SPPL2B: variants seen among roughly 807,000 people sequenced by gnomAD.
SPPL2B encodes the protein signal peptide peptidase-like 2B.
SPPL2B carries 39 observed loss-of-function variants against 59.7 expected under a neutral mutation model. The ratio of observed to expected loss-of-function variants is 0.65; its 90% CI spans 0.51 to 0.85. The LOEUF (loss-of-function observed/expected upper bound fraction) is 0.85. SPPL2B is among the 40% of genes least tolerant of loss of function. The pLI is 0.00. For missense variants in SPPL2B, 865 were observed against 849.0 expected (o/e 1.02, Z -0.23); for synonymous variants, 419 against 370.8 (o/e 1.13, Z -1.49).
At position 2,354,961 on chromosome 19, in the gene SPPL2B, C is replaced by T. The variant is rs1970100766; in HGVS notation, c.*1752C>T. 6.6e-6 allele frequency among the ~76,000 whole-genome samples: 1 copy of T among 152,226 alleles called. No homozygotes were observed. Among genetic ancestry groups the T allele is most frequent in the Non-Finnish European group, 1.5e-5 (1 of 68,030 alleles). On this transcript the variant is annotated 3_prime_UTR_variant, in exon 15 of 15. Coordinates refer to ENST00000613503, the MANE Select transcript of SPPL2B (RefSeq NM_152988.3). ...CCGGCCAGTGCTGTGAGGTGCCCAG[C>T]GTCACTCCCATGGGCTCTGTGGGCC... is the stretch of plus-strand genomic sequence containing the variant.
In SPPL2B at chr19:2,350,921, G is replaced by T. The variant is rs375599540; in HGVS notation, c.1355-513G>T. On this transcript the variant is annotated intron_variant, in intron 13 of 14. Coordinates refer to ENST00000613503, the MANE Select transcript of SPPL2B (RefSeq NM_152988.3). ...TCACAGGCTGCGTTCTCAGGGGACT[G>T]GGGGCACGGCCCCGGTGGGTGGACA... is the stretch of plus-strand genomic sequence containing the variant. Among the ~76,000 whole-genome samples, 274 of 152,370 alleles carry T rather than the reference G, an allele frequency of 1.8e-3. 2 individuals carry two copies. The highest frequency in any genetic ancestry group is 6.3e-3 in the African/African-American group (263 of 41,588).
rs1970084572 is a variant in SPPL2B at position 2,354,486 on chromosome 19, ATCTGTT to A, written c.*1283_*1288del. 1 of 152,212 alleles carries A rather than the reference ATCTGTT, an allele frequency of 6.6e-6. No homozygotes were observed. Among genetic ancestry groups the A allele is most frequent in the African/African-American group, 2.4e-5 (1 of 41,432 alleles). 9.4% of individuals were successfully genotyped at this position (152,212 alleles called of 1,614,324 possible). A position where few individuals can be genotyped will look rare whatever the true frequency, so the allele number is the denominator to read the frequency against. Reference sequence around the variant, plus strand: ...TGCGGCCTCCAGACTCGAGTCCAGAATCTGTTTCTGTCAAGTCAGTCGTCCCCAGCT... The same window carrying A: ...TGCGGCCTCCAGACTCGAGTCCAGAATCTGTCAAGTCAGTCGTCCCCAGCT... On this transcript the variant is annotated 3_prime_UTR_variant, in exon 15 of 15. Transcript: ENST00000613503.
intron 1 of SPPL2B, among the ~76,000 whole-genome samples, chr19:2,329,402 A>G (rs754613501): frequency 2.6e-4 from 39 of 152,238 alleles, no homozygotes; most frequent in Non-Finnish European, 4.7e-4. Context: ...CAGGGTGACC[A>G]GCGCCCAGGG....
At chr19:2,330,132 G>A (rs556810261) in intron 1 of SPPL2B, among the ~76,000 whole-genome samples, 5 of 149,438 alleles carry the variant, frequency 3.3e-5, no homozygotes, top group East Asian at 1.9e-4. Context: ...TTTTTGAGAC[G>A]GAGTCTCGCT....
intron 5 of SPPL2B, 59 bp downstream of exon 5, chr19:2,339,267 G>A: frequency 1.3e-6 from 2 of 1,554,416 alleles, no homozygotes; most frequent in Non-Finnish European, 1.7e-6. Flanking sequence ...CACGGGCCGG[G>A]ACGGCCAGTC....
rs374479872 is a variant in SPPL2B, at chr19:2,334,649, C to T, written c.114C>T (p.Gly38=). The change falls in exon 2 of 15, where the codon GGC becomes GGT. Residue 38 remains glycine (G), a synonymous_variant. Transcript: ENST00000613503. ...TGCACGTGGTCTCCCAGGCCGGGGGCCCCGAAGGCAAAGACTACTGCATCC... is the reference window on the plus strand; with the variant it reads ...TGCACGTGGTCTCCCAGGCCGGGGGTCCCGAAGGCAAAGACTACTGCATCC... ...GMVHVVSQAG[G]PEGKDYCILY... The T allele has an allele frequency of 1.9e-6, 3 of 1,612,856 alleles. No individual in the cohort carries two copies. The highest frequency in any genetic ancestry group is 2.7e-5 in the African/African-American group (2 of 74,912).
In SPPL2B at chr19:2,337,489, C is replaced by T. The variant is rs781632995; in HGVS notation, c.233C>T (p.Ala78Val). 1 of 1,613,082 alleles carries T rather than the reference C, an allele frequency of 6.2e-7. No homozygotes were observed. The highest frequency in any genetic ancestry group is 8.5e-7 in the Non-Finnish European group (1 of 1,179,548). ...TGGACGGCCTCCCTGCTCTGCTCCG[C>T]AGCCGACCTCCCCGCCCGTGGCTTC... ...RNWTASLLCS[A>V]ADLPARGFSN... Residue 78 changes from alanine (A) to valine (V), a missense_variant, in exon 3 of 15, where the codon GCA becomes GTA. Coordinates refer to ENST00000613503, the MANE Select transcript of SPPL2B (RefSeq NM_152988.3).
At chr19:2,338,421 G>C (rs1424058675) in intron 3 of SPPL2B, 1 of 210,078 alleles carries the variant, frequency 4.8e-6, no homozygotes, top group South Asian at 1.1e-4. Context: ...GGCTCAAGGC[G>C]GCTTAGTGGG....
rs1181599834 is a variant in SPPL2B at position 2,347,366 on chromosome 19, ACTCT to A, written c.1354+2038_1354+2041del. ...TTCCGTTCTCTCTCCACACACACAC[ACTCT>A]CATTCGCCTGATTCCGTTCTCTCTC... On this transcript the variant is annotated intron_variant, in intron 13 of 14. Coordinates refer to ENST00000613503, the MANE Select transcript of SPPL2B (RefSeq NM_152988.3). Among the ~76,000 whole-genome samples the A allele has an allele frequency of 3.7e-4, 6 of 16,004 alleles. 1 individual carries two copies. Among genetic ancestry groups the A allele is most frequent in the African/African-American group, 1.2e-3 (5 of 4,300 alleles). The allele number at this position is 16,004 out of a possible 152,430, so 10.5% of individuals were successfully genotyped here.
intron 14 of SPPL2B, among the ~76,000 whole-genome samples, chr19:2,352,674 G>T (rs1319897002): frequency 6.6e-6 from 1 of 152,022 alleles, no homozygotes; most frequent in Non-Finnish European, 1.5e-5. Flanking sequence ...GGCGAGAGAC[G>T]GTAGTCCAGG....
rs145227878 is a variant in SPPL2B, at chr19:2,343,245, G to A, written c.991G>A (p.Ala331Thr). The change falls in exon 9 of 15, where the codon GCC (alanine) becomes ACC (threonine). Residue 331 changes from alanine to threonine, a missense_variant. Transcript: ENST00000613503. ...GGTCCTCCAGGATGCCCTGGGCATCGCCTTCTGCCTCTACATGCTGAAGAC... is the reference window on the plus strand; with the variant it reads ...GGTCCTCCAGGATGCCCTGGGCATCACCTTCTGCCTCTACATGCTGAAGAC... ...AWVLQDALGI[A>T]FCLYMLKTIR... 1,151 of 1,556,372 alleles carry A rather than the reference G, an allele frequency of 7.4e-4. 3 individuals carry two copies. The African/African-American group carries it at 0.013, about 18-fold the overall frequency.
At position 2,335,316 on chromosome 19, in the gene SPPL2B, ATCCT is replaced by A. The variant is rs776199414; in HGVS notation, c.186+598_186+601del. Among the ~76,000 whole-genome samples, 398 of 106,062 alleles carry A rather than the reference ATCCT, an allele frequency of 3.8e-3. 4 individuals carry two copies. Among genetic ancestry groups the A allele is most frequent in the African/African-American group, 4.9e-3 (132 of 27,010 alleles). 69.6% of individuals were successfully genotyped at this position (106,062 alleles called of 152,430 possible). ...CAGGCCCCGCCTCCTTTCCCACTGC[ATCCT>A]TCAGGCCCCGCCTCATTTCCCACTG... On this transcript the variant is annotated intron_variant, in intron 2 of 14. Transcript: ENST00000613503.
In SPPL2B at chr19:2,339,217, C is replaced by T. The variant is rs376613554; in HGVS notation, c.599+9C>T. 15 of 1,600,960 alleles carry T rather than the reference C, an allele frequency of 9.4e-6. No individual in the cohort carries two copies. Among genetic ancestry groups the T allele is most frequent in the African/African-American group, 6.7e-5 (5 of 74,738 alleles). On this transcript the variant is annotated intron_variant, in intron 5 of 14. Coordinates refer to ENST00000613503, the MANE Select transcript of SPPL2B (RefSeq NM_152988.3). Reference sequence around the variant, plus strand: ...AGTCGGGACGTGAAGAAGTGAGTTTCGCATCGTGCGTGTGCTGTGACGGGG... The same window carrying T: ...AGTCGGGACGTGAAGAAGTGAGTTTTGCATCGTGCGTGTGCTGTGACGGGG...
At position 2,353,068 on chromosome 19, in the gene SPPL2B, T is replaced by C. The variant is rs749742213; in HGVS notation, c.1638T>C (p.Pro546=). The change falls in exon 15 of 15, where the codon CCT becomes CCC. Residue 546 remains proline (P), a synonymous_variant. Transcript: ENST00000613503. ...PSEEPATSPW[P]AEQSPKSRTS... ...AAGAACCAGCCACATCCCCCTGGCC[T>C]GCTGAGCAGTCCCCAAAATCACGCA... 3.1e-6 allele frequency: 5 copies of C among 1,611,820 alleles called. No individual in the cohort carries two copies. The highest frequency in any genetic ancestry group is 1.1e-5 in the South Asian group (1 of 91,020).
intron 13 of SPPL2B, 88 bp from the exon 14 acceptor site, chr19:2,351,346 C>T: frequency 1.7e-6 from 2 of 1,160,532 alleles, no homozygotes; most frequent in Non-Finnish European, 2.5e-6. Context: ...TGCCCTCCAC[C>T]AACCCCAGCC....
rs1970102941 is a variant in SPPL2B, at chr19:2,355,057, G to A, written c.*1848G>A. 6.6e-6 allele frequency among the ~76,000 whole-genome samples: 1 copy of A among 152,136 alleles called. No homozygotes were observed. Among genetic ancestry groups the A allele is most frequent in the African/African-American group, 2.4e-5 (1 of 41,418 alleles). On this transcript the variant is annotated 3_prime_UTR_variant, in exon 15 of 15. Transcript: ENST00000613503. ...AGCATCACAGACCATGTGTAAAATG[G>A]GCCAAAATACCTTTTACAAAATTAA...
intron 7 of SPPL2B, chr19:2,340,443 G>T (rs1257403197): frequency 3.2e-6 from 2 of 629,382 alleles, no homozygotes; most frequent in Non-Finnish European, 2.9e-6. Flanking sequence ...CCGAACCCTG[G>T]GTTCCCCAGG....
rs1276010375 is a variant in SPPL2B, at chr19:2,349,752, CAT to C, written c.1355-1681_1355-1680del. ...TGATTCCGTTCTCTCTCTCCACACA[CAT>C]GCGCTCTCATTTGCTTGATTCCGTT... On this transcript the variant is annotated intron_variant, in intron 13 of 14. Coordinates refer to ENST00000613503, the MANE Select transcript of SPPL2B (RefSeq NM_152988.3). 1.5e-4 allele frequency among the ~76,000 whole-genome samples: 21 copies of C among 144,506 alleles called. 1 individual carries two copies. The highest frequency in any genetic ancestry group is 2.2e-4 in the Non-Finnish European group (15 of 67,200). 94.8% of individuals were successfully genotyped at this position (144,506 alleles called of 152,430 possible).
chr19:2,335,588 C>T (rs1470316351), intron 2 of SPPL2B, among the ~76,000 whole-genome samples: 1 of 149,636 alleles, frequency 6.7e-6, no homozygotes, highest in Non-Finnish European at 1.5e-5. Context: ...GCCTCCTTTC[C>T]CACCACACCC....
Sources: gnomAD v4.1 joint callset for allele counts (sites outside exome capture counted in the v4.1 genomes callset) on GRCh38, gnomAD v4.1.1 for gene constraint, MANE v1.5 for transcripts, NCBI Gene and HGNC (gene_info 2026-07-23, HGNC 2026-07-21) for gene names.